The following COL5A1 variants were observed in gnomAD, a reference collection of about 807,000 sequenced individuals.
COL5A1 encodes the protein collagen type V alpha 1 chain, also known as collagen alpha-1(V) chain.
Under a neutral mutation model 263.7 loss-of-function variants are expected in COL5A1, and 16 were observed. The observed-to-expected ratio is 0.06, with a 90% CI of 0.04 to 0.09. The LOEUF (loss-of-function observed/expected upper bound fraction) is 0.09. Ranked by LOEUF, COL5A1 falls within the 10% of genes least tolerant of loss-of-function variation. COL5A1 has a pLI of 1.00. For synonymous variants in COL5A1, 1,012 were observed against 1,004.5 expected, an observed-to-expected ratio of 1.01 and a Z score of -0.14; for missense variants, 2,036 against 2,540.5, an observed-to-expected ratio of 0.80 and a Z score of 4.27.
At chr9:134,739,134 C>T (rs1410359589) in intron 11 of COL5A1, among the ~76,000 whole-genome samples, 3 of 152,256 alleles carry the variant, frequency 2.0e-5, no homozygotes, top group East Asian at 3.8e-4. Flanking sequence ...GCCTTTCCCA[C>T]TCCTCGCCCC....
chr9:134,747,205 G>A (rs11103489), intron 11 of COL5A1, among the ~76,000 whole-genome samples: 3 of 152,042 alleles, frequency 2.0e-5, no homozygotes, highest in Non-Finnish European at 2.9e-5. Flanking sequence ...GTTCATCTAC[G>A]TTCCCATTCT....
At chr9:134,711,859 T>C (rs1473927009) in intron 4 of COL5A1, among the ~76,000 whole-genome samples, 2 of 151,936 alleles carry the variant, frequency 1.3e-5, no homozygotes, top group Non-Finnish European at 2.9e-5. Context: ...TCCAGCCCCA[T>C]AGAGCCACTG....
intron 34 of COL5A1, among the ~76,000 whole-genome samples, chr9:134,795,563 C>T (rs1268727839): frequency 1.3e-5 from 2 of 152,194 alleles, no homozygotes; most frequent in African/African-American, 2.4e-5. Flanking sequence ...GACAGGGCCT[C>T]GCCCCAACAC....
intron 37 of COL5A1, 151 bp from the exon 38 acceptor site, chr9:134,801,803 G>T: frequency 1.4e-6 from 1 of 699,836 alleles, no homozygotes; most frequent in Non-Finnish European, 2.5e-6. Flanking sequence ...AAAAAAAAAT[G>T]AAACAAGAGA....
intron 1 of COL5A1, among the ~76,000 whole-genome samples, chr9:134,668,900 A>AATCC (rs1239981678): frequency 1.4e-5 from 2 of 146,694 alleles, no homozygotes; most frequent in Admixed American, 1.4e-4. Flanking sequence ...TTCATCCATC[A>AATCC]ATCCATCCAT....
At chr9:134,643,942 C>T (rs1282802602) in intron 1 of COL5A1, among the ~76,000 whole-genome samples, 1 of 152,162 alleles carries the variant, frequency 6.6e-6, no homozygotes, top group Non-Finnish European at 1.5e-5. Flanking sequence ...CACCTCCACA[C>T]TGTCTTTTTC....
Position 134,758,357 on chromosome 9 carries a change from G to A in COL5A1, c.1935+61G>A. 5 of 1,547,316 alleles carry A rather than the reference G, an allele frequency of 3.2e-6. No homozygotes were observed. In the Admixed American group the frequency reaches 5.0e-5, roughly 16 times the overall value. On this transcript the variant is annotated intron_variant, in intron 18 of 65. Coordinates refer to ENST00000371817, the MANE Select transcript of COL5A1 (RefSeq NM_000093.5). The surrounding 1 kb of genome is among the most constrained non-coding windows in gnomAD (Gnocchi z 4.1). ...TGGGCAGCAGAGGTGTCTCTCGGGA[G>A]GCCCTTCTCCTTCCAGGCAGCCTCA...
intron 53 of COL5A1, 29 bp from the exon 54 acceptor site, chr9:134,817,749 A>G (rs1838817433): frequency 1.2e-6 from 2 of 1,608,094 alleles, no homozygotes; most frequent in East Asian, 4.5e-5. Flanking sequence ...GGCCACACTC[A>G]CCACCTGCTG....
chr9:134,804,200 G>A (rs938636325), intron 39 of COL5A1, among the ~76,000 whole-genome samples: 1 of 152,192 alleles, frequency 6.6e-6, no homozygotes, highest in Non-Finnish European at 1.5e-5. Flanking sequence ...ACATGCACAC[G>A]TGTGTGTATT....
rs76490049 is a variant in COL5A1, at chr9:134,761,429, G to T, written c.1936-496G>T. 6.0e-3 allele frequency among the ~76,000 whole-genome samples: 912 copies of T among 152,366 alleles called. 35 individuals are homozygous for T. The East Asian group carries it at 0.11, about 19-fold the overall frequency. Reference sequence around the variant, plus strand: ...ATTTATCCAAAGCTGCTACATGTATGTTCTCCAACAACCACATGGAAACAG... The same window carrying T: ...ATTTATCCAAAGCTGCTACATGTATTTTCTCCAACAACCACATGGAAACAG... On this transcript the variant is annotated intron_variant, in intron 18 of 65. Coordinates refer to ENST00000371817, the MANE Select transcript of COL5A1 (RefSeq NM_000093.5).
chr9:134,731,252 GGGTGTGCCAGCTCCAT>G (rs545404896), intron 7 of COL5A1, among the ~76,000 whole-genome samples: 119 of 152,296 alleles, frequency 7.8e-4, no homozygotes, highest in Non-Finnish European at 1.5e-3. Flanking sequence ...GCGGGTGCAC[GGGTGTGCCAGCTCCAT>G]GGTGTGCCAG....
chr9:134,646,722 G>C (rs1174871593), intron 1 of COL5A1, among the ~76,000 whole-genome samples: 1 of 152,176 alleles, frequency 6.6e-6, no homozygotes, highest in Non-Finnish European at 1.5e-5. Flanking sequence ...CACAGCTGTG[G>C]ATTAGGATGT....
rs141087187 is a variant in COL5A1 at position 134,838,368 on chromosome 9, T to G, written c.5370+3164T>G. Among the ~76,000 whole-genome samples the G allele has an allele frequency of 2.1e-3, 327 of 152,194 alleles. 1 individual carries two copies. The highest frequency in any genetic ancestry group is 7.2e-3 in the African/African-American group (298 of 41,536). Reference sequence around the variant, plus strand: ...TAAGGTGTGAAGGGAGCGCAGAGGGTTCACCTGCTGCAAGGGCAAAGAGGA... The same window carrying G: ...TAAGGTGTGAAGGGAGCGCAGAGGGGTCACCTGCTGCAAGGGCAAAGAGGA... On this transcript the variant is annotated intron_variant, in intron 65 of 65. Transcript: ENST00000371817.
chr9:134,826,242 C>A (rs1424428757), intron 63 of COL5A1, among the ~76,000 whole-genome samples: 1 of 152,192 alleles, frequency 6.6e-6, no homozygotes, highest in Non-Finnish European at 1.5e-5. Flanking sequence ...CCATTAAAAC[C>A]CTTTAAAGGA....
At position 134,786,015 on chromosome 9, in the gene COL5A1, G is replaced by T. The variant is rs1197629484; in HGVS notation, c.2613G>T (p.Gly871=). Residue 871 remains glycine (G), a synonymous_variant, in exon 31 of 66, where the codon GGG becomes GGT. Transcript: ENST00000371817. ...PGEKGKLGVP[G]LPGYPGRQGP... ...CCCAGGGAAAACTCGGAGTCCCAGG[G>T]TTACCAGGGTATCCAGGAAGACAAG... 2 of 1,613,468 alleles carry T rather than the reference G, an allele frequency of 1.2e-6. No homozygotes were observed. Among genetic ancestry groups the T allele is most frequent in the Non-Finnish European group, 1.7e-6 (2 of 1,179,820 alleles).
At position 134,738,741 on chromosome 9, in the gene COL5A1, T is replaced by C. The variant is rs3128612; in HGVS notation, c.1432-5T>C. ...TAACTGCCCCAACTTTATTTTTAAT[T>C]CTAGGGTCTTCCCGGACCTCCAGGA... On this transcript the variant is annotated splice_region_variant and splice_polypyrimidine_tract_variant and intron_variant, in intron 10 of 65. Coordinates refer to ENST00000371817, the MANE Select transcript of COL5A1 (RefSeq NM_000093.5). 0.51 allele frequency: 819,681 copies of C among 1,606,282 alleles called. 215,134 individuals are homozygous for C. Among genetic ancestry groups the C allele is most frequent in the African/African-American group, 0.78 (58,402 of 74,794 alleles).
intron 4 of COL5A1, among the ~76,000 whole-genome samples, chr9:134,712,650 C>A (rs1182841314): frequency 9.0e-6 from 1 of 110,938 alleles, no homozygotes; most frequent in Admixed American, 1.0e-4. Flanking sequence ...CCTTCCTGTT[C>A]CCCCTCCTTC....
rs747758069 is a variant in COL5A1, at chr9:134,730,458, A to G, written c.1147A>G (p.Thr383Ala). 1.5e-5 allele frequency: 24 copies of G among 1,613,818 alleles called. No homozygotes were observed. The East Asian group carries it at 3.8e-4, about 25-fold the overall frequency. ...GAEIPTSTADTSNSSNPAPPP... is the reference protein window; with the variant it reads ...GAEIPTSTADASNSSNPAPPP... ...CGAAATTCCCACCAGCACCGCCGAC[A>G]CCTCCAACTCCTCCAATGTAATTTC... Residue 383 changes from threonine (T) to alanine (A), a missense_variant, in exon 7 of 66, where the codon ACC becomes GCC. Coordinates refer to ENST00000371817, the MANE Select transcript of COL5A1 (RefSeq NM_000093.5).
chr9:134,752,578 T>G lies in COL5A1; in HGVS notation c.1663-11T>G. The G allele has an allele frequency of 6.2e-7, 1 of 1,611,568 alleles. No individual in the cohort carries two copies. Reference sequence around the variant, plus strand: ...GGGCCCTGTCTCAGCGTGTCTCACTTTCCTTTGCAGTTGGCACTGAGGGGA... The same window carrying G: ...GGGCCCTGTCTCAGCGTGTCTCACTGTCCTTTGCAGTTGGCACTGAGGGGA... On this transcript the variant is annotated splice_polypyrimidine_tract_variant and intron_variant, in intron 13 of 65. Transcript: ENST00000371817.
Sources: allele counts gnomAD v4.1 joint callset (sites outside exome capture counted in the v4.1 genomes callset), GRCh38; gene constraint gnomAD v4.1.1; non-coding constraint Gnocchi (gnomAD v3.1); transcripts MANE v1.5; gene names NCBI Gene and HGNC (gene_info 2026-07-23, HGNC 2026-07-21).